The following NRG2 variants were observed in gnomAD, a reference collection of about 807,000 sequenced individuals.
NRG2 encodes the protein neuregulin 2, also known as pro-neuregulin-2, membrane-bound isoform.
A neutral mutation model predicts 73.9 loss-of-function variants in NRG2; 27 were observed. That is an observed-to-expected ratio of 0.37 (90% confidence interval 0.27 to 0.50). The LOEUF is 0.50. Among genes scored for constraint, NRG2 ranks in the 20% least tolerant of loss-of-function variants. NRG2 has a pLI of 0.96. For missense variants in NRG2, 1,126 were observed against 1,210.1 expected (o/e 0.93, Z 1.03); for synonymous variants, 532 against 541.0 (o/e 0.98, Z 0.23).
In NRG2 at chr5:139,865,365, C is replaced by A. The variant is rs930441222; in HGVS notation, c.1189+184G>T. Among the ~76,000 whole-genome samples the A allele has an allele frequency of 6.6e-6, 1 of 152,040 alleles. No homozygotes were observed. Among genetic ancestry groups the A allele is most frequent in the African/African-American group, 2.4e-5 (1 of 41,382 alleles). ...CCAAGGATTAGGCCAAAAATGAAAA[C>A]AAAGCAAAACAAAACAAAACAAAAA... On this transcript the variant is annotated intron_variant, in intron 5 of 9. Coordinates refer to ENST00000361474, the MANE Select transcript of NRG2 (RefSeq NM_004883.3). The surrounding 1 kb of genome is among the most constrained non-coding windows in gnomAD (Gnocchi z 5.2).
Position 139,848,659 on chromosome 5 carries a change from G to C in NRG2, c.1811C>G (p.Pro604Arg), listed in dbSNP as rs1761196413. The C allele has an allele frequency of 3.8e-6, 6 of 1,569,826 alleles. No homozygotes were observed. The highest frequency in any genetic ancestry group is 4.3e-6 in the Non-Finnish European group (5 of 1,167,474). Residue 604 changes from proline (P) to arginine (R), a missense_variant, in exon 10 of 10, where the codon CCC becomes CGC. Around this residue, in one of 3 missense-constraint regions of NRG2, gnomAD observed 539 missense variants for 703.2 expected, o/e 0.77. Transcript: ENST00000361474. ...GGCCAGCGAGTAGTGGAAGTCCACG[G>C]GCGAGAGGCGCGCGGGCGTGGTCAG... ...SALTTPARLS[P>R]VDFHYSLATQ...
chr5:139,945,914 C>T (rs1264561394), intron 1 of NRG2, among the ~76,000 whole-genome samples: 3 of 151,852 alleles, frequency 2.0e-5, no homozygotes, highest in Non-Finnish European at 4.4e-5. Flanking sequence ...AAATGAAGTG[C>T]AAAATGTAAA....
At chr5:139,938,949 G>GAA (rs1330047394) in intron 1 of NRG2, among the ~76,000 whole-genome samples, 1 of 105,142 alleles carries the variant, frequency 9.5e-6, no homozygotes, top group Non-Finnish European at 2.0e-5. Context: ...AAGAAAGAAA[G>GAA]AAAGAAAGAA....
chr5:139,860,245 A>G (rs1762066019), intron 5 of NRG2, among the ~76,000 whole-genome samples: 1 of 152,126 alleles, frequency 6.6e-6, no homozygotes, highest in South Asian at 2.1e-4. Context: ...CTGGGAGGAA[A>G]GGTAAGTGGG....
At chr5:139,986,850 C>G (rs1561731195) in intron 1 of NRG2, among the ~76,000 whole-genome samples, 1 of 152,090 alleles carries the variant, frequency 6.6e-6, no homozygotes, top group Non-Finnish European at 1.5e-5. Flanking sequence ...TATTGGACAG[C>G]ACAGCTTTAG....
At chr5:139,883,644 C>T (rs543888434) in intron 2 of NRG2, among the ~76,000 whole-genome samples, 2 of 152,168 alleles carry the variant, frequency 1.3e-5, no homozygotes, top group African/African-American at 4.8e-5. Flanking sequence ...AGACTCCTGC[C>T]ACTGCCCCTG....
chr5:140,040,512 G>A (rs1451901061), intron 1 of NRG2, among the ~76,000 whole-genome samples: 1 of 152,156 alleles, frequency 6.6e-6, no homozygotes, highest in East Asian at 1.9e-4. Flanking sequence ...GAGAAAGTAG[G>A]AGGAGGGAGA....
chr5:139,848,846 C>G (rs1361218666), intron 9 of NRG2, 149 bp from the exon 10 acceptor site: 3 of 696,954 alleles, frequency 4.3e-6, no homozygotes, highest in African/African-American at 1.9e-5. Context: ...GGCAGCAACC[C>G]TCAGTGGCCT....
In NRG2 at chr5:139,869,048, GC is replaced by G. The variant is rs1332649414; in HGVS notation, c.1112+2672del. 6.6e-6 allele frequency among the ~76,000 whole-genome samples: 1 copy of G among 152,042 alleles called. No individual in the cohort carries two copies. The highest frequency in any genetic ancestry group is 1.5e-5 in the Non-Finnish European group (1 of 67,996). ...GAAAGCAGCAAGAGGGAGTGCAGAGGCCCCTGTCTGGCCCAGACAGGGGACA... is the reference window on the plus strand; with the variant it reads ...GAAAGCAGCAAGAGGGAGTGCAGAGGCCCTGTCTGGCCCAGACAGGGGACA... On this transcript the variant is annotated intron_variant, in intron 4 of 9. Coordinates refer to ENST00000361474, the MANE Select transcript of NRG2 (RefSeq NM_004883.3). This position sits in a 1 kb window ranked among gnomAD's most constrained non-coding sequence, Gnocchi z 4.5.
chr5:140,039,942 A>G (rs1581005021), intron 1 of NRG2, among the ~76,000 whole-genome samples: 1 of 152,336 alleles, frequency 6.6e-6, no homozygotes, highest in East Asian at 1.9e-4. Flanking sequence ...AGAAAACAGA[A>G]AATGAATTTG....
intron 1 of NRG2, among the ~76,000 whole-genome samples, chr5:139,973,795 G>A (rs1237863885): frequency 1.3e-5 from 2 of 152,104 alleles, no homozygotes; most frequent in Non-Finnish European, 1.5e-5. Flanking sequence ...TTCCTGGTTC[G>A]TAGACAGCTG....
intron 1 of NRG2, among the ~76,000 whole-genome samples, chr5:139,910,187 G>C (rs528033799): frequency 6.6e-6 from 1 of 152,296 alleles, no homozygotes; most frequent in Non-Finnish European, 1.5e-5. Context: ...AGATTCCTCT[G>C]TCAGCCAACC....
At chr5:139,872,227 T>C (rs750157977) in intron 3 of NRG2, among the ~76,000 whole-genome samples, 4 of 152,132 alleles carry the variant, frequency 2.6e-5, no homozygotes, top group Non-Finnish European at 5.9e-5. Flanking sequence ...TGATGTCTCA[T>C]GTGGGGAACA....
chr5:139,970,885 C>G (rs75868541), intron 1 of NRG2, among the ~76,000 whole-genome samples: 5,761 of 152,292 alleles, frequency 0.038, 156 homozygotes, highest in African/African-American at 0.074. Context: ...ATCCATGAAA[C>G]CTTTCCAAAC....
At chr5:139,941,796 A>G (rs1753418817) in intron 1 of NRG2, among the ~76,000 whole-genome samples, 1 of 152,210 alleles carries the variant, frequency 6.6e-6, no homozygotes, top group South Asian at 2.1e-4. Flanking sequence ...TTGAGCTCAG[A>G]AAATATGTCC....
intron 1 of NRG2, among the ~76,000 whole-genome samples, chr5:139,998,650 T>G (rs1758209845): frequency 6.6e-6 from 1 of 152,164 alleles, no homozygotes; most frequent in African/African-American, 2.4e-5. Flanking sequence ...AGAATCTCAA[T>G]GCTCAAGAGG....
chr5:139,996,352 G>C (rs1758012180), intron 1 of NRG2, among the ~76,000 whole-genome samples: 1 of 152,176 alleles, frequency 6.6e-6, no homozygotes, highest in Non-Finnish European at 1.5e-5. Context: ...GAATACGGGA[G>C]ACCACAGTCT....
intron 1 of NRG2, among the ~76,000 whole-genome samples, chr5:139,957,332 TG>T (rs1754710101): frequency 6.6e-6 from 1 of 151,890 alleles, no homozygotes; most frequent in Non-Finnish European, 1.5e-5. Context: ...TGTGTGTGTG[TG>T]TGTGTGTGTG....
intron 1 of NRG2, among the ~76,000 whole-genome samples, chr5:139,974,676 T>C (rs964675682): frequency 6.6e-6 from 1 of 152,232 alleles, no homozygotes; most frequent in African/African-American, 2.4e-5. Context: ...CCTCCTTGGC[T>C]GTTACCAGCC....
Sources: allele counts gnomAD v4.1 joint callset (sites outside exome capture counted in the v4.1 genomes callset), GRCh38; gene constraint gnomAD v4.1.1; regional missense constraint gnomAD v4.1.1; non-coding constraint Gnocchi (gnomAD v3.1); transcripts MANE v1.5; gene names NCBI Gene and HGNC (gene_info 2026-07-23, HGNC 2026-07-21).